CLPX: variants seen among roughly 807,000 people sequenced by gnomAD.
CLPX encodes the protein caseinolytic mitochondrial matrix peptidase chaperone subunit X.
A neutral mutation model predicts 76.4 loss-of-function variants in CLPX; 34 were observed. The ratio of observed to expected loss-of-function variants is 0.45; its 90% CI spans 0.34 to 0.59. The LOEUF is 0.59. Among genes scored for constraint, CLPX ranks in the 20% least tolerant of loss-of-function variants. CLPX has a pLI of 0.01. For missense variants in CLPX, 613 were observed against 757.0 expected (o/e 0.81, Z 2.23); for synonymous variants, 248 against 270.9 (o/e 0.92, Z 0.83).
intron 13 of CLPX, among the ~76,000 whole-genome samples, chr15:65,151,344 CAAA>C (rs571760722): frequency 1.7e-3 from 98 of 59,274 alleles, no homozygotes; most frequent in African/African-American, 6.0e-3. Context: ...GACTGAGTCT[CAAA>C]AAAAAAAAAA....
intron 6 of CLPX, among the ~76,000 whole-genome samples, chr15:65,161,957 A>ATTGAATTATATTATATAATT (rs2087861038): frequency 1.3e-5 from 2 of 152,210 alleles, no homozygotes; most frequent in Admixed American, 6.5e-5. Context: ...ATATAATACT[A>ATTGAATTATATTATATAATT]CTTGGTTCAA....
At chr15:65,158,259 T>C (rs978547918) in intron 7 of CLPX, 1 of 308,576 alleles carries the variant, frequency 3.2e-6, no homozygotes, top group Non-Finnish European at 5.9e-6. Context: ...TGGCCTCAAG[T>C]GATCCTCCCA....
intron 3 of CLPX, among the ~76,000 whole-genome samples, chr15:65,175,365 A>T (rs1425809329): frequency 1.3e-5 from 2 of 152,126 alleles, no homozygotes; most frequent in Non-Finnish European, 2.9e-5. Flanking sequence ...GGGCACCTGT[A>T]ATCCCAGCTA....
chr15:65,152,518 G>A lies in CLPX; in HGVS notation c.1723C>T (p.Pro575Ser). 1 of 1,525,274 alleles carries A rather than the reference G, an allele frequency of 6.6e-7. No homozygotes were observed. Among genetic ancestry groups the A allele is most frequent in the Non-Finnish European group, 8.8e-7 (1 of 1,135,890 alleles). The allele number at this position is 1,525,274 out of a possible 1,614,324, so 94.5% of individuals were successfully genotyped here. Residue 575 changes from proline (P) to serine (S), a missense_variant, in exon 13 of 14, where the codon CCA (proline) becomes TCA (serine). Pro to Ser is a moderately conservative substitution (Grantham distance 74). Transcript: ENST00000300107. ...TCAGAATTAGGGACTTCAAACATTG[G>A]TTCTAGTAACAGCTTTTCCTAAAGA... ...RSIMEKLLLE[P>S]MFEVPNSDIV...
chr15:65,163,305 T>C (rs1246814890), intron 5 of CLPX, among the ~76,000 whole-genome samples: 2 of 152,210 alleles, frequency 1.3e-5, no homozygotes, highest in South Asian at 2.1e-4. Flanking sequence ...TTTGCAGTTA[T>C]GTGATGTAAG....
chr15:65,151,430 T>A (rs1473410264), intron 13 of CLPX, among the ~76,000 whole-genome samples: 2 of 147,202 alleles, frequency 1.4e-5, no homozygotes, highest in East Asian at 4.0e-4. Context: ...TTCCCAGCAT[T>A]TTCCCTGACA....
chr15:65,166,584 A>T, intron 4 of CLPX, 47 bp downstream of exon 4: 1 of 1,586,580 alleles, frequency 6.3e-7, no homozygotes, highest in Non-Finnish European at 8.6e-7. Context: ...AAGCAATGGA[A>T]TGTTTTCAAG....
intron 6 of CLPX, among the ~76,000 whole-genome samples, chr15:65,160,073 C>T (rs1595938661): frequency 6.6e-6 from 1 of 152,128 alleles, no homozygotes; most frequent in Admixed American, 6.6e-5. Flanking sequence ...TCAGCCTCCC[C>T]AAGTACTGGG....
intron 3 of CLPX, among the ~76,000 whole-genome samples, chr15:65,176,078 A>G (rs2088088181): frequency 6.6e-6 from 1 of 152,204 alleles, no homozygotes; most frequent in East Asian, 1.9e-4. Flanking sequence ...CACCACCCAC[A>G]ATTAGAATTC....
intron 11 of CLPX, among the ~76,000 whole-genome samples, chr15:65,153,953 G>A (rs1408314765): frequency 2.0e-5 from 3 of 152,148 alleles, no homozygotes; most frequent in East Asian, 3.9e-4. Flanking sequence ...TCTATTGTGT[G>A]ATGACAGATG....
chr15:65,169,718 C>T (rs889477996), intron 3 of CLPX, among the ~76,000 whole-genome samples: 7 of 151,702 alleles, frequency 4.6e-5, no homozygotes, highest in African/African-American at 1.5e-4. Flanking sequence ...AAACATAAAA[C>T]AACACATGGT....
intron 3 of CLPX, among the ~76,000 whole-genome samples, chr15:65,167,229 C>G (rs1371856423): frequency 1.3e-5 from 2 of 151,966 alleles, no homozygotes; most frequent in Non-Finnish European, 2.9e-5. Context: ...CACCACCATG[C>G]CCAGCTAATT....
chr15:65,163,418 GAAC>G lies in CLPX; in HGVS notation c.673+608_673+610del, dbSNP rs1200229659. ...GACTTATAAATTTAAGTACTTAGCA[GAAC>G]TCCTTCACACTGTACAGTGATAACT... On this transcript the variant is annotated intron_variant, in intron 5 of 13. Transcript: ENST00000300107. Among the ~76,000 whole-genome samples, 76 of 152,202 alleles carry G rather than the reference GAAC, an allele frequency of 5.0e-4. No homozygotes were observed. In the East Asian group the frequency reaches 0.012, roughly 24 times the overall value.
intron 1 of CLPX, among the ~76,000 whole-genome samples, chr15:65,183,376 G>A (rs541899742): frequency 6.6e-6 from 1 of 151,278 alleles, no homozygotes; most frequent in African/African-American, 2.4e-5. Context: ...CAGGAGAATG[G>A]CGTGAACCCA....
intron 3 of CLPX, among the ~76,000 whole-genome samples, chr15:65,168,650 T>G (rs2087953822): frequency 6.7e-6 from 1 of 149,442 alleles, no homozygotes; most frequent in East Asian, 2.0e-4. Flanking sequence ...CTAATGTAAA[T>G]GATGAGTTAA....
rs1305888583 is a variant in CLPX at position 65,185,182 on chromosome 15, C to T, written c.-29G>A. 2.0e-6 allele frequency: 3 copies of T among 1,532,260 alleles called. No individual in the cohort carries two copies. Among genetic ancestry groups the T allele is most frequent in the African/African-American group, 2.7e-5 (2 of 72,930 alleles). 94.9% of individuals were successfully genotyped at this position (1,532,260 alleles called of 1,614,324 possible). On this transcript the variant is annotated 5_prime_UTR_variant, in exon 1 of 14. Coordinates refer to ENST00000300107, the MANE Select transcript of CLPX (RefSeq NM_006660.5). ...CGCGAGGCCTAGGCCGGGGCTTCGC[C>T]CCCTGAGGACCTCCGGGTCACAGCG...
intron 7 of CLPX, chr15:65,158,351 T>C (rs28391154): frequency 2.3e-6 from 1 of 443,216 alleles, no homozygotes; most frequent in African/African-American, 2.0e-5. Context: ...CTGTTTTTTA[T>C]TTTATTATTC....
chr15:65,180,233 T>C (rs757731050), intron 1 of CLPX, 29 bp from the exon 2 acceptor site: 22 of 1,539,602 alleles, frequency 1.4e-5, no homozygotes, highest in South Asian at 2.4e-5. Flanking sequence ...CTACATCAAA[T>C]ATAGACATGC....
chr15:65,152,161 C>G (rs1448581864), intron 13 of CLPX, among the ~76,000 whole-genome samples: 3 of 152,122 alleles, frequency 2.0e-5, no homozygotes, highest in Non-Finnish European at 4.4e-5. Context: ...ATCTCTTGAC[C>G]TCGTGATCCG....
Sources: gnomAD v4.1 joint callset for allele counts (sites outside exome capture counted in the v4.1 genomes callset) on GRCh38, gnomAD v4.1.1 for gene constraint, MANE v1.5 for transcripts, NCBI Gene and HGNC (gene_info 2026-07-23, HGNC 2026-07-21) for gene names.